The following TRIM44 variants were observed in gnomAD, a reference collection of about 807,000 sequenced individuals.
The protein encoded by TRIM44 is tripartite motif-containing protein 44.
Under a neutral mutation model 37.4 loss-of-function variants are expected in TRIM44, and 13 were observed. The observed-to-expected ratio is 0.35, with a 90% CI of 0.23 to 0.55. TRIM44 has a LOEUF of 0.55. Among genes scored for constraint, TRIM44 ranks in the 20% least tolerant of loss-of-function variants. The probability of loss-of-function intolerance (pLI) is 0.89; values close to 1 mark genes in which losing one functional copy is unlikely to be tolerated. For synonymous variants in TRIM44, 175 were observed against 157.2 expected (o/e 1.11, Z -0.85); for missense variants, 426 against 437.2 (o/e 0.97, Z 0.23).
At chr11:35,768,605 T>C (rs1454341901) in intron 4 of TRIM44, among the ~76,000 whole-genome samples, 1 of 152,230 alleles carries the variant, frequency 6.6e-6, no homozygotes, top group Non-Finnish European at 1.5e-5. Context: ...TCAAAAACTT[T>C]AATGGAAAAT....
In TRIM44 at chr11:35,712,724, G is replaced by A. The variant is rs541319335; in HGVS notation, c.748-13200G>A. On this transcript the variant is annotated intron_variant, in intron 2 of 4. Transcript: ENST00000299413. ...AAAAGCTTGAAGGGCTGATTACACAGCGAACCTGGAGAGAGGAGTGAAGCT... is the reference window on the plus strand; with the variant it reads ...AAAAGCTTGAAGGGCTGATTACACAACGAACCTGGAGAGAGGAGTGAAGCT... 2.0e-3 allele frequency among the ~76,000 whole-genome samples: 306 copies of A among 152,286 alleles called. 1 individual carries two copies. The highest frequency in any genetic ancestry group is 7.1e-3 in the African/African-American group (295 of 41,556).
At chr11:35,706,295 A>T (rs1590526425) in intron 2 of TRIM44, among the ~76,000 whole-genome samples, 1 of 151,726 alleles carries the variant, frequency 6.6e-6, no homozygotes, top group African/African-American at 2.4e-5. Flanking sequence ...AAAAGAGTCC[A>T]GGACCAGATG....
At chr11:35,664,251 C>T (rs757281394) in intron 1 of TRIM44, among the ~76,000 whole-genome samples, 4 of 152,164 alleles carry the variant, frequency 2.6e-5, no homozygotes, top group Non-Finnish European at 5.9e-5. Flanking sequence ...TTAATAGTAA[C>T]TTCATATGTG....
intron 4 of TRIM44, among the ~76,000 whole-genome samples, chr11:35,742,367 GGAT>G (rs958873932): frequency 7.2e-6 from 1 of 138,518 alleles, no homozygotes; most frequent in African/African-American, 2.7e-5. Flanking sequence ...CTATATATAT[GGAT>G]ATATATATAT....
chr11:35,775,011 A>C (rs1314051230), intron 4 of TRIM44, among the ~76,000 whole-genome samples: 1 of 152,186 alleles, frequency 6.6e-6, no homozygotes, highest in East Asian at 1.9e-4. Flanking sequence ...GAAGAAAGTC[A>C]TTGGTAGCTT....
intron 2 of TRIM44, among the ~76,000 whole-genome samples, chr11:35,725,066 T>TCTCA (rs371948145): frequency 0.019 from 2,752 of 141,154 alleles, 70 homozygotes; most frequent in African/African-American, 0.058. Flanking sequence ...ATGCACACAC[T>TCTCA]CACACACACA....
intron 3 of TRIM44, among the ~76,000 whole-genome samples, chr11:35,726,897 C>T (rs139421253): frequency 0.019 from 2,893 of 151,726 alleles, 107 homozygotes; most frequent in African/African-American, 0.067. Flanking sequence ...CAGTGGCTCA[C>T]GCCTGTAATC....
At chr11:35,792,072 T>C (rs1186667117) in intron 4 of TRIM44, among the ~76,000 whole-genome samples, 9 of 136,750 alleles carry the variant, frequency 6.6e-5, no homozygotes, top group East Asian at 2.2e-4. Context: ...GAGTTGCCCC[T>C]ACACACACAC....
At position 35,662,798 on chromosome 11, in the gene TRIM44, G is replaced by A. The variant is rs553726542; in HGVS notation, c.-314G>A. ...CCGGCGGCTGCCGCGATCTCTCCCT[G>A]GTAGCGGGAGGCTGAGCGGGCGGCG... is the stretch of plus-strand genomic sequence containing the variant. On this transcript the variant is annotated 5_prime_UTR_variant, in exon 1 of 5. Transcript: ENST00000299413. 2.1e-5 allele frequency: 5 copies of A among 242,904 alleles called. No homozygotes were observed. In the East Asian group the frequency reaches 4.0e-4, roughly 20 times the overall value. The allele number at this position is 242,904 out of a possible 1,614,324, so 15.0% of individuals were successfully genotyped here.
intron 4 of TRIM44, among the ~76,000 whole-genome samples, chr11:35,751,316 A>G (rs1852556859): frequency 6.6e-6 from 1 of 152,224 alleles, no homozygotes. Flanking sequence ...CATTTTACAA[A>G]CCCTTAAGTA....
At chr11:35,752,790 C>G (rs1201711944) in intron 4 of TRIM44, among the ~76,000 whole-genome samples, 1 of 152,222 alleles carries the variant, frequency 6.6e-6, no homozygotes, top group South Asian at 2.1e-4. Context: ...CAGAGTTTCA[C>G]ATGACTCGTT....
At chr11:35,693,244 A>G (rs966951329) in intron 2 of TRIM44, among the ~76,000 whole-genome samples, 3 of 152,174 alleles carry the variant, frequency 2.0e-5, no homozygotes, top group Admixed American at 2.0e-4. Flanking sequence ...CAAAGACTCA[A>G]ATATAGAAGT....
chr11:35,768,139 T>A (rs563770333), intron 4 of TRIM44, among the ~76,000 whole-genome samples: 1 of 152,206 alleles, frequency 6.6e-6, no homozygotes, highest in South Asian at 2.1e-4. Flanking sequence ...ACTCAATGAT[T>A]TGATTGTGGG....
chr11:35,672,749 G>C lies in TRIM44; in HGVS notation c.669+8969G>C, dbSNP rs11033228. On this transcript the variant is annotated intron_variant, in intron 1 of 4. Transcript: ENST00000299413. ...GCTTTTCATTCAGCCCATAGAAGAAGCTCTGACAGGGAGACAGAAGGTTGA... is the reference window on the plus strand; with the variant it reads ...GCTTTTCATTCAGCCCATAGAAGAACCTCTGACAGGGAGACAGAAGGTTGA... Among the ~76,000 whole-genome samples, 2,115 of 152,244 alleles carry C rather than the reference G, an allele frequency of 0.014. 117 individuals are homozygous for C. In the East Asian group the frequency reaches 0.14, roughly 10 times the overall value.
At chr11:35,746,102 G>T (rs930662894) in intron 4 of TRIM44, among the ~76,000 whole-genome samples, 1 of 152,192 alleles carries the variant, frequency 6.6e-6, no homozygotes, top group Non-Finnish European at 1.5e-5. Context: ...TGATGTGAAG[G>T]AATGCCACAT....
chr11:35,710,343 G>C (rs1851954226), intron 2 of TRIM44, among the ~76,000 whole-genome samples: 1 of 151,974 alleles, frequency 6.6e-6, no homozygotes, highest in South Asian at 2.1e-4. Flanking sequence ...TTCCATTGTT[G>C]AACCTCAATT....
chr11:35,735,968 G>A (rs926480987), intron 4 of TRIM44, among the ~76,000 whole-genome samples: 1 of 152,094 alleles, frequency 6.6e-6, no homozygotes, highest in Non-Finnish European at 1.5e-5. Context: ...TGCCACAGTT[G>A]AATGCAGTTT....
chr11:35,817,312 C>T lies in TRIM44; in HGVS notation c.*10927C>T, dbSNP rs1290167884. On this transcript the variant is annotated 3_prime_UTR_variant, in exon 5 of 5. Coordinates refer to ENST00000299413, the MANE Select transcript of TRIM44 (RefSeq NM_017583.6). ...GAGGGAAGAGAGTTGAGAAGCCTCACTCCCATCCCTGCTCTGCCACTGACA... is the reference window on the plus strand; with the variant it reads ...GAGGGAAGAGAGTTGAGAAGCCTCATTCCCATCCCTGCTCTGCCACTGACA... The T allele has an allele frequency of 6.6e-6, 1 of 152,210 alleles. No individual in the cohort carries two copies. Among genetic ancestry groups the T allele is most frequent in the Non-Finnish European group, 1.5e-5 (1 of 68,040 alleles). 9.4% of individuals were successfully genotyped at this position (152,210 alleles called of 1,614,324 possible). A position where few individuals can be genotyped will look rare whatever the true frequency, so the allele number is the denominator to read the frequency against.
chr11:35,698,978 G>T (rs1300910456), intron 2 of TRIM44, among the ~76,000 whole-genome samples: 1 of 144,168 alleles, frequency 6.9e-6, no homozygotes, highest in African/African-American at 2.6e-5. Context: ...GTAAGGAAGG[G>T]ATCCAGTTTC....
Sources: allele counts gnomAD v4.1 joint callset (sites outside exome capture counted in the v4.1 genomes callset), GRCh38; gene constraint gnomAD v4.1.1; transcripts MANE v1.5; gene names NCBI Gene and HGNC (gene_info 2026-07-23, HGNC 2026-07-21).